WDFY4: variants seen among roughly 807,000 people sequenced by gnomAD.
WDFY4 encodes WDFY family member 4.
In WDFY4, 169 loss-of-function variants were observed where a neutral mutation model predicts 351.9. That is an observed-to-expected ratio of 0.48 (90% confidence interval 0.42 to 0.55). The LOEUF (loss-of-function observed/expected upper bound fraction) is 0.55. Among genes scored for constraint, WDFY4 ranks in the 20% least tolerant of loss-of-function variants. The pLI, the probability that WDFY4 is intolerant of heterozygous loss-of-function variation, is 0.00. For synonymous variants in WDFY4, 1,622 were observed against 1,574.6 expected (o/e 1.03, Z -0.71); for missense variants, 3,803 against 3,935.6 (o/e 0.97, Z 0.90).
rs141832329 is a variant in WDFY4 at position 48,956,091 on chromosome 10, C to T, written c.7978-1038C>T. On this transcript the variant is annotated intron_variant, in intron 51 of 61. Transcript: ENST00000325239. ...TCTCTAACCAGGACCTGGAGGGAGG[C>T]ACCTCTCTGCCTCCTCCAAACCCCC... Among the ~76,000 whole-genome samples, 29 of 152,326 alleles carry T rather than the reference C, an allele frequency of 1.9e-4. No individual in the cohort carries two copies. The East Asian group carries it at 4.2e-3, about 22-fold the overall frequency.
rs1385033578 is a variant in WDFY4, at chr10:48,786,824, A to T, written c.3762A>T (p.Lys1254Asn). The change falls in exon 20 of 62, where the codon AAA becomes AAT. Residue 1254 changes from lysine (K) to asparagine (N), a missense_variant. Coordinates refer to ENST00000325239, the MANE Select transcript of WDFY4 (RefSeq NM_001394531.1). ...ISMETLEVIN[K>N]LGPRYCGNFQ... ...TGGAAACTCTGGAAGTTATTAACAA[A>T]CTTGGCCCAAGATATTGTGGTAACT... The T allele has an allele frequency of 6.4e-7, 1 of 1,552,236 alleles. No homozygotes were observed. The highest frequency in any genetic ancestry group is 8.7e-7 in the Non-Finnish European group (1 of 1,147,116).
intron 24 of WDFY4, among the ~76,000 whole-genome samples, chr10:48,799,047 T>C (rs1345561156): frequency 1.3e-5 from 2 of 152,188 alleles, no homozygotes; most frequent in African/African-American, 2.4e-5. Flanking sequence ...TGAAGTGCTG[T>C]GGCCATGCTC....
At chr10:48,717,010 G>A (rs1428511125) in intron 2 of WDFY4, among the ~76,000 whole-genome samples, 2 of 152,220 alleles carry the variant, frequency 1.3e-5, no homozygotes, top group Non-Finnish European at 2.9e-5. Context: ...GTATGTGCAC[G>A]CATGTGTGAA....
intron 35 of WDFY4, chr10:48,824,252 T>C (rs1325569052): frequency 1.4e-5 from 13 of 925,052 alleles, no homozygotes; most frequent in Non-Finnish European, 1.7e-5. Flanking sequence ...CTCTGACCCT[T>C]AGCCTCTTAT....
chr10:48,707,660 G>A (rs2063667036), intron 1 of WDFY4, among the ~76,000 whole-genome samples: 1 of 152,232 alleles, frequency 6.6e-6, no homozygotes, highest in African/African-American at 2.4e-5. Context: ...GAAAGAGTAA[G>A]AGCAGAAAAG....
In WDFY4 at chr10:48,695,957, A is replaced by G. The variant is rs1431023177; in HGVS notation, c.-18+10956A>G. ...AGAGGTGTGTGCTGACCAGGAGCCC[A>G]GTGAGGACTGGAATCAGAAAGAGGA... On this transcript the variant is annotated intron_variant, in intron 1 of 61. Coordinates refer to ENST00000325239, the MANE Select transcript of WDFY4 (RefSeq NM_001394531.1). 2.6e-5 allele frequency among the ~76,000 whole-genome samples: 4 copies of G among 152,326 alleles called. No homozygotes were observed. In the East Asian group the frequency reaches 5.8e-4, roughly 22 times the overall value.
intron 1 of WDFY4, among the ~76,000 whole-genome samples, chr10:48,693,420 A>G (rs559669051): frequency 5.3e-4 from 80 of 152,338 alleles, no homozygotes; most frequent in Non-Finnish European, 8.8e-4. Context: ...AGCAAGTGGC[A>G]TTCTCAGGCC....
chr10:48,751,033 A>C (rs965229495), intron 12 of WDFY4, among the ~76,000 whole-genome samples: 1 of 152,174 alleles, frequency 6.6e-6, no homozygotes, highest in Non-Finnish European at 1.5e-5. Context: ...AAGACACCTG[A>C]TGTGCAGTTG....
At chr10:48,774,901 G>A (rs374217817) in intron 14 of WDFY4, among the ~76,000 whole-genome samples, 43 of 152,300 alleles carry the variant, frequency 2.8e-4, no homozygotes, top group African/African-American at 8.7e-4. Flanking sequence ...GGGGGCTGGA[G>A]GGGGCTCCAA....
At chr10:48,771,445 A>G (rs960796243) in intron 13 of WDFY4, among the ~76,000 whole-genome samples, 1 of 152,194 alleles carries the variant, frequency 6.6e-6, no homozygotes, top group African/African-American at 2.4e-5. Flanking sequence ...GGGTATGATA[A>G]TTGTGCCTCC....
intron 50 of WDFY4, 149 bp downstream of exon 50, chr10:48,946,306 A>G: frequency 1.5e-6 from 1 of 676,566 alleles, no homozygotes; most frequent in Non-Finnish European, 2.5e-6. Flanking sequence ...GTGCCTGGGG[A>G]GCTTCTAGAA....
Position 48,957,273 on chromosome 10 carries a change from G to A in WDFY4, c.8122G>A (p.Val2708Ile), listed in dbSNP as rs1841637660. 1.3e-6 allele frequency: 2 copies of A among 1,551,006 alleles called. No individual in the cohort carries two copies. Among genetic ancestry groups the A allele is most frequent in the African/African-American group, 1.4e-5 (1 of 73,052 alleles). ...TGAGTTCTTAACCAACTGCAACGGG[G>A]TAGAGTTCGGTAAGTGGAGGCCTGG... ...LPEFLTNCNG[V>I]EFGCMQDGTV... Residue 2708 changes from valine (V) to isoleucine (I), a missense_variant, in exon 52 of 62, where the codon GTA becomes ATA. Physicochemically the swap from Val to Ile is conservative, Grantham distance 29. Transcript: ENST00000325239.
At chr10:48,833,885 C>T (rs117328937) in intron 39 of WDFY4, among the ~76,000 whole-genome samples, 3 of 152,310 alleles carry the variant, frequency 2.0e-5, no homozygotes, top group South Asian at 4.1e-4. Flanking sequence ...CCATGAACTT[C>T]GGGAAATGAG....
At chr10:48,897,691 G>A (rs1483330912) in intron 45 of WDFY4, 117 bp downstream of exon 45, 2 of 1,425,598 alleles carry the variant, frequency 1.4e-6, no homozygotes, top group Non-Finnish European at 1.9e-6. Flanking sequence ...CCTATGCACA[G>A]CCCAGTGCCC....
chr10:48,753,804 C>T (rs1344203488), intron 12 of WDFY4, among the ~76,000 whole-genome samples: 1 of 152,186 alleles, frequency 6.6e-6, no homozygotes, highest in East Asian at 1.9e-4. Context: ...CCAACTTTAT[C>T]TTTTAAAATA....
In WDFY4 at chr10:48,766,064, T is replaced by C. The variant is rs566196109; in HGVS notation, c.2553+5624T>C. 5.3e-5 allele frequency among the ~76,000 whole-genome samples: 8 copies of C among 152,378 alleles called. No individual in the cohort carries two copies. The East Asian group carries it at 1.3e-3, about 26-fold the overall frequency. ...ACAGCACTAATAGCCCTGGATAGCATTGCATAAGGGCAGGCTATTTGAAAA... is the reference window on the plus strand; with the variant it reads ...ACAGCACTAATAGCCCTGGATAGCACTGCATAAGGGCAGGCTATTTGAAAA... On this transcript the variant is annotated intron_variant, in intron 13 of 61. Transcript: ENST00000325239.
intron 30 of WDFY4, among the ~76,000 whole-genome samples, chr10:48,812,230 A>T: frequency 7.9e-6 from 1 of 126,968 alleles, no homozygotes; most frequent in African/African-American, 3.6e-5. Flanking sequence ...TTACTGTGTT[A>T]CCCTGGGAGA....
chr10:48,915,424 T>TC (rs1838428276), intron 47 of WDFY4, among the ~76,000 whole-genome samples: 1 of 151,156 alleles, frequency 6.6e-6, no homozygotes, highest in South Asian at 2.1e-4. Context: ...CTGATTTTTT[T>TC]TTTTGGACCA....
At chr10:48,946,991 TACACAC>T (rs57927796) in intron 51 of WDFY4, 22 bp downstream of exon 51, 209 of 1,099,634 alleles carry the variant, frequency 1.9e-4, no homozygotes, top group Non-Finnish European at 2.3e-4. Flanking sequence ...CCACTCTCTG[TACACAC>T]ACACACACAC....
Sources: gnomAD v4.1 joint callset for allele counts (sites outside exome capture counted in the v4.1 genomes callset) on GRCh38, gnomAD v4.1.1 for gene constraint, MANE v1.5 for transcripts, NCBI Gene and HGNC (gene_info 2026-07-23, HGNC 2026-07-21) for gene names.